CDH4: variants seen among roughly 807,000 people sequenced by gnomAD.
CDH4 encodes cadherin-4.
A neutral mutation model predicts 86.0 loss-of-function variants in CDH4; 33 were observed. That is an observed-to-expected ratio of 0.38 (90% CI 0.29 to 0.51). CDH4 has a LOEUF of 0.51. CDH4 is among the 20% of genes least tolerant of loss of function. The pLI is 0.86. For synonymous variants in CDH4, 555 were observed against 549.4 expected (o/e 1.01, Z -0.14); for missense variants, 1,114 against 1,307.4 (o/e 0.85, Z 2.28).
At chr20:61,345,533 AGGG>A (rs2084673937) in intron 2 of CDH4, among the ~76,000 whole-genome samples, 1 of 152,280 alleles carries the variant, frequency 6.6e-6, no homozygotes, top group Non-Finnish European at 1.5e-5. Context: ...TGGAATACCC[AGGG>A]TGGAAAATCT....
chr20:61,875,344 A>ACCCTTGG (rs1050958510), intron 7 of CDH4, among the ~76,000 whole-genome samples: 3 of 151,978 alleles, frequency 2.0e-5, no homozygotes, highest in Non-Finnish European at 2.9e-5. Context: ...TTGGGGGGTA[A>ACCCTTGG]CCCTTGGCAG....
Position 61,599,698 on chromosome 20 carries a change from G to C in CDH4, c.170-143865G>C, listed in dbSNP as rs537131110. 110 of 529,784 alleles carry C rather than the reference G, an allele frequency of 2.1e-4. 1 individual carries two copies. Among genetic ancestry groups the C allele is most frequent in the Middle Eastern group, 9.3e-4 (1 of 1,074 alleles). The allele number at this position is 529,784 out of a possible 1,614,324, so 32.8% of individuals were successfully genotyped here. On this transcript the variant is annotated intron_variant, in intron 2 of 15. Transcript: ENST00000614565. ...GAGAAGCCTCTCGCGTGGTCTCTGCGTCTGGGCTCCTTCATCTGCCGAGGC... is the reference window on the plus strand; with the variant it reads ...GAGAAGCCTCTCGCGTGGTCTCTGCCTCTGGGCTCCTTCATCTGCCGAGGC...
At chr20:61,256,053 CAG>C (rs1256340575) in intron 2 of CDH4, among the ~76,000 whole-genome samples, 2 of 152,202 alleles carry the variant, frequency 1.3e-5, no homozygotes, top group African/African-American at 4.8e-5. Flanking sequence ...TGCAATCTAA[CAG>C]GGCATACATA....
intron 6 of CDH4, among the ~76,000 whole-genome samples, chr20:61,856,149 C>T (rs1457810285): frequency 6.6e-6 from 1 of 152,208 alleles, no homozygotes; most frequent in South Asian, 2.1e-4. Context: ...CTACACAGTG[C>T]CTTTGTGGGA....
At chr20:61,295,893 T>A (rs1167343169) in intron 2 of CDH4, among the ~76,000 whole-genome samples, 3 of 152,076 alleles carry the variant, frequency 2.0e-5, no homozygotes, top group Non-Finnish European at 4.4e-5. Context: ...CTCTGGAAGG[T>A]GCTTTGAAGG....
chr20:61,923,346 A>G, intron 9 of CDH4, 105 bp from the exon 10 acceptor site: 1 of 1,107,314 alleles, frequency 9.0e-7, no homozygotes, highest in Non-Finnish European at 1.3e-6. Flanking sequence ...GAAGAGCTGG[A>G]CATGGCTCAG....
At chr20:61,534,506 G>A (rs2085979268) in intron 2 of CDH4, among the ~76,000 whole-genome samples, 1 of 152,134 alleles carries the variant, frequency 6.6e-6, no homozygotes, top group South Asian at 2.1e-4. Context: ...TGAGAGCCTG[G>A]AAGAGCTCCC....
Position 61,393,650 on chromosome 20 carries a change from C to T in CDH4, c.169+138713C>T, listed in dbSNP as rs144858121. 2.6e-5 allele frequency among the ~76,000 whole-genome samples: 4 copies of T among 152,232 alleles called. No individual in the cohort carries two copies. Among genetic ancestry groups the T allele is most frequent in the Non-Finnish European group, 5.9e-5 (4 of 68,010 alleles). On this transcript the variant is annotated intron_variant, in intron 2 of 15. Coordinates refer to ENST00000614565, the MANE Select transcript of CDH4 (RefSeq NM_001794.5). This position sits in a 1 kb window ranked among gnomAD's most constrained non-coding sequence, Gnocchi z 4.3. ...GAGACCCAAAGCATAGTGGTTGCAG[C>T]GAGGATCATCGAAGTAGACCTGGCT...
At chr20:61,583,331 C>T (rs935948732) in intron 2 of CDH4, among the ~76,000 whole-genome samples, 4 of 151,710 alleles carry the variant, frequency 2.6e-5, no homozygotes, top group African/African-American at 4.8e-5. Context: ...GAGGGCTGGA[C>T]GCAAGAGGTG....
intron 4 of CDH4, among the ~76,000 whole-genome samples, chr20:61,842,414 G>A (rs1191591526): frequency 2.0e-5 from 3 of 152,154 alleles, no homozygotes; most frequent in Admixed American, 6.5e-5. Context: ...TTTCTGTCTC[G>A]TTCTTTGCTC....
At chr20:61,732,740 G>A (rs1027415998) in intron 2 of CDH4, among the ~76,000 whole-genome samples, 5 of 152,224 alleles carry the variant, frequency 3.3e-5, no homozygotes, top group South Asian at 2.1e-4. Context: ...TGCACCGCTC[G>A]TCCCCCACGC....
chr20:61,778,947 A>C (rs1330113984), intron 4 of CDH4, among the ~76,000 whole-genome samples: 1 of 152,102 alleles, frequency 6.6e-6, no homozygotes, highest in African/African-American at 2.4e-5. Context: ...GAGGATATAG[A>C]GCTCTCCTGT....
At chr20:61,842,555 C>CA (rs1214780388) in intron 4 of CDH4, among the ~76,000 whole-genome samples, 4 of 152,164 alleles carry the variant, frequency 2.6e-5, no homozygotes, top group African/African-American at 9.7e-5. Context: ...TATATTTTCT[C>CA]AAAAAATAAT....
intron 2 of CDH4, among the ~76,000 whole-genome samples, chr20:61,302,475 T>C (rs1941786266): frequency 6.7e-6 from 1 of 148,756 alleles, no homozygotes; most frequent in South Asian, 2.1e-4. Flanking sequence ...ATGTGTTTCC[T>C]TGGCCTGGGT....
intron 2 of CDH4, among the ~76,000 whole-genome samples, chr20:61,599,207 A>T (rs1003397947): frequency 6.6e-6 from 1 of 150,942 alleles, no homozygotes; most frequent in Non-Finnish European, 1.5e-5. Context: ...GATCACTCCC[A>T]CCCCGCCCTG....
rs2087282860 is a variant in CDH4, at chr20:61,663,358, C to T, written c.170-80205C>T. 6.6e-6 allele frequency among the ~76,000 whole-genome samples: 1 copy of T among 152,210 alleles called. No homozygotes were observed. The highest frequency in any genetic ancestry group is 1.5e-5 in the Non-Finnish European group (1 of 68,034). On this transcript the variant is annotated intron_variant, in intron 2 of 15. Transcript: ENST00000614565. The surrounding 1 kb of genome is among the most constrained non-coding windows in gnomAD (Gnocchi z 5.0). The stretch of plus-strand genomic sequence containing the variant: ...GAGGGTGACGCTGGGGCAGGGGCTG[C>T]TGCGGACAAGCGTTGGGAGGCCTCT...
chr20:61,352,795 C>G (rs185545401), intron 2 of CDH4, among the ~76,000 whole-genome samples: 332 of 152,188 alleles, frequency 2.2e-3, no homozygotes, highest in African/African-American at 7.5e-3. Context: ...GGCCGTCTGC[C>G]GCTTGCTGGT....
At chr20:61,646,620 C>T (rs2087064339) in intron 2 of CDH4, among the ~76,000 whole-genome samples, 1 of 152,246 alleles carries the variant, frequency 6.6e-6, no homozygotes, top group Non-Finnish European at 1.5e-5. Flanking sequence ...TGCCCTGGGG[C>T]TCTGAGCAGC....
rs540846425 is a variant in CDH4 at position 61,649,714 on chromosome 20, G to A, written c.170-93849G>A. ...TTGGAAACCGCAGAGCAGCTTGCAG[G>A]AAGCGTTTGTGTTTGTGATTAGCTT... is the stretch of plus-strand genomic sequence containing the variant. On this transcript the variant is annotated intron_variant, in intron 2 of 15. Coordinates refer to ENST00000614565, the MANE Select transcript of CDH4 (RefSeq NM_001794.5). Among the ~76,000 whole-genome samples, 24 of 152,320 alleles carry A rather than the reference G, an allele frequency of 1.6e-4. No individual in the cohort carries two copies. In the South Asian group the frequency reaches 4.4e-3, roughly 28 times the overall value.
Sources: gnomAD v4.1 joint callset for allele counts (sites outside exome capture counted in the v4.1 genomes callset) on GRCh38, gnomAD v4.1.1 for gene constraint, Gnocchi (gnomAD v3.1) non-coding constraint, MANE v1.5 for transcripts, NCBI Gene and HGNC (gene_info 2026-07-23, HGNC 2026-07-21) for gene names.